PPRC1: variants seen among roughly 807,000 people sequenced by gnomAD.
PPRC1 encodes the protein peroxisome proliferator-activated receptor gamma coactivator-related protein 1.
A neutral mutation model predicts 132.5 loss-of-function variants in PPRC1; 23 were observed. The observed-to-expected ratio is 0.17, with a 90% CI of 0.12 to 0.25. The LOEUF (loss-of-function observed/expected upper bound fraction) is 0.25. Among genes scored for constraint, PPRC1 ranks in the 10% least tolerant of loss-of-function variants. The pLI, the probability that PPRC1 is intolerant of heterozygous loss-of-function variation, is 1.00. For synonymous variants in PPRC1, 872 were observed against 833.5 expected (o/e 1.05, Z -0.80); for missense variants, 2,006 against 2,089.1 (o/e 0.96, Z 0.78).
At chr10:102,145,861 T>C (rs2069217203) in intron 8 of PPRC1, among the ~76,000 whole-genome samples, 1 of 151,916 alleles carries the variant, frequency 6.6e-6, no homozygotes, top group Admixed American at 6.6e-5. Context: ...CAAGACTCTG[T>C]CTTTAAAAAA....
the PPRC1 span, among the ~76,000 whole-genome samples, chr10:102,127,673 TGGG>T: frequency 6.6e-6 from 1 of 152,134 alleles, no homozygotes; most frequent in African/African-American, 2.4e-5. Flanking sequence ...CCCAAAGTGC[TGGG>T]ATTACAGGCG....
At chr10:102,149,533 C>T (rs2069422221) in intron 13 of PPRC1, among the ~76,000 whole-genome samples, 1 of 152,080 alleles carries the variant, frequency 6.6e-6, no homozygotes, top group Non-Finnish European at 1.5e-5. Flanking sequence ...GAGTTCGAGA[C>T]CAGCCTGGCC....
rs945111278 is a variant in PPRC1, at chr10:102,140,040, A to C, written c.1532A>C (p.Glu511Ala). Residue 511 changes from glutamate to alanine, a missense_variant, in exon 5 of 14, where the codon GAG (glutamate) becomes GCG (alanine). Glu to Ala is a moderately radical substitution (Grantham distance 107). This residue lies in a region of PPRC1 where 1,914 missense variants were observed against 1,917.2 expected (regional missense o/e 1.00). Transcript: ENST00000278070. ...CAGCCTCAGGAAGAACTTCAAAAAG[A>C]GTCTGGGCCTCTCCAGGGTAAGGGG... is the stretch of plus-strand genomic sequence containing the variant. Reference protein sequence around the residue: ...QKQPQEELQKESGPLQGKGKP... With the variant: ...QKQPQEELQKASGPLQGKGKP... 6.2e-7 allele frequency: 1 copy of C among 1,614,056 alleles called. No individual in the cohort carries two copies. The highest frequency in any genetic ancestry group is 1.3e-5 in the African/African-American group (1 of 74,924).
upstream of PPRC1, among the ~76,000 whole-genome samples, chr10:102,130,462 G>T (rs1172264660): frequency 6.8e-6 from 1 of 146,514 alleles, no homozygotes; most frequent in Non-Finnish European, 1.5e-5. Flanking sequence ...AGGGCTGGGC[G>T]CAGTGGCTCA....
At chr10:102,128,762 C>T (rs2068499123), upstream of PPRC1, among the ~76,000 whole-genome samples, 1 of 150,766 alleles carries the variant, frequency 6.6e-6, no homozygotes. Context: ...CTACAGGCAC[C>T]CACCACCATG....
rs1212213569 is a variant in PPRC1 at position 102,148,974 on chromosome 10, A to G, written c.4739+36A>G. The G allele has an allele frequency of 1.2e-6, 2 of 1,609,414 alleles. No homozygotes were observed. The highest frequency in any genetic ancestry group is 1.7e-5 in the Admixed American group (1 of 59,058). On this transcript the variant is annotated intron_variant, in intron 12 of 13. Transcript: ENST00000278070. The surrounding 1 kb of genome is among the most constrained non-coding windows in gnomAD (Gnocchi z 4.2). ...GCCCCAGGCTCAGGATGTTCTTTCT[A>G]TCCCATTCATCTACCTTGGTGTTTC...
intron 13 of PPRC1, among the ~76,000 whole-genome samples, 153 bp downstream of exon 13, chr10:102,149,482 C>T (rs963216966): frequency 3.9e-5 from 6 of 152,178 alleles, no homozygotes; most frequent in Admixed American, 1.3e-4. Context: ...CCTGTAATCC[C>T]AGCACTTTGG....
chr10:102,129,838 C>T (rs1019275787), upstream of PPRC1, among the ~76,000 whole-genome samples: 2 of 151,896 alleles, frequency 1.3e-5, no homozygotes, highest in Non-Finnish European at 2.9e-5. Flanking sequence ...TTCCTGACCT[C>T]GGTGATCCGC....
chr10:102,121,419 G>T, the PPRC1 span, among the ~76,000 whole-genome samples: 4 of 152,204 alleles, frequency 2.6e-5, no homozygotes, highest in African/African-American at 9.6e-5. Flanking sequence ...TGTGGGCCGT[G>T]GGGGGTTGGA....
At position 102,145,182 on chromosome 10, in the gene PPRC1, G is replaced by A; in HGVS notation, c.3679+92G>A. 3.3e-6 allele frequency: 4 copies of A among 1,226,670 alleles called. No individual in the cohort carries two copies. In the South Asian group the frequency reaches 4.1e-5, roughly 12 times the overall value. 76.0% of individuals were successfully genotyped at this position (1,226,670 alleles called of 1,614,324 possible). On this transcript the variant is annotated intron_variant, in intron 8 of 13. Coordinates refer to ENST00000278070, the MANE Select transcript of PPRC1 (RefSeq NM_015062.5). ...AAATCCATTGTGTGTAGGCGTTAAG[G>A]ACATAGAGATCTGATCTCCAGCCTT...
chr10:102,146,315 C>T (rs567778650), intron 8 of PPRC1, among the ~76,000 whole-genome samples: 2 of 151,914 alleles, frequency 1.3e-5, no homozygotes, highest in South Asian at 2.1e-4. Flanking sequence ...AGTGGGGAGA[C>T]GATAGATGAT....
chr10:102,150,073 C>G lies in PPRC1; in HGVS notation c.*44C>G, dbSNP rs2069444336. 2 of 1,400,822 alleles carry G rather than the reference C, an allele frequency of 1.4e-6. No individual in the cohort carries two copies. Among genetic ancestry groups the G allele is most frequent in the Admixed American group, 1.7e-5 (1 of 59,682 alleles). The allele number at this position is 1,400,822 out of a possible 1,614,324, so 86.8% of individuals were successfully genotyped here. On this transcript the variant is annotated 3_prime_UTR_variant, in exon 14 of 14. Coordinates refer to ENST00000278070, the MANE Select transcript of PPRC1 (RefSeq NM_015062.5). ...TATCCTTTTTCTCCTTTGGAGGTGC[C>G]CAACCTCCTCCACCCCCTTCCCCTA...
intron 1 of PPRC1, among the ~76,000 whole-genome samples, chr10:102,133,692 G>C (rs2068610512): frequency 6.6e-6 from 1 of 151,822 alleles, no homozygotes; most frequent in South Asian, 2.1e-4. Flanking sequence ...GCGGGTCCAC[G>C]TGGGGGCGGG....
chr10:102,120,105 T>C, the PPRC1 span: 34 of 1,383,494 alleles, frequency 2.5e-5, no homozygotes, highest in Non-Finnish European at 3.2e-5. Flanking sequence ...CACAGCCCAC[T>C]GACATCTTCA....
rs755255910 is a variant in PPRC1, at chr10:102,140,034, A to C, written c.1526A>C (p.Gln509Pro). 23 of 1,614,108 alleles carry C rather than the reference A, an allele frequency of 1.4e-5. No homozygotes were observed. The highest frequency in any genetic ancestry group is 6.7e-5 in the African/African-American group (5 of 74,944). ...NLQKQPQEEL[Q>P]KESGPLQGKG... ...CAGAAACAGCCTCAGGAAGAACTTC[A>C]AAAAGAGTCTGGGCCTCTCCAGGGT... is the stretch of plus-strand genomic sequence containing the variant. The change falls in exon 5 of 14, where the codon CAA (glutamine) becomes CCA (proline). Residue 509 changes from glutamine to proline, a missense_variant. Physicochemically the swap from Gln to Pro is moderately conservative, Grantham distance 76. Around this residue, in one of 2 missense-constraint regions of PPRC1, gnomAD observed 1,914 missense variants for 1,917.2 expected, o/e 1.00. Coordinates refer to ENST00000278070, the MANE Select transcript of PPRC1 (RefSeq NM_015062.5).
chr10:102,141,105 C>G lies in PPRC1; in HGVS notation c.2597C>G (p.Ser866Cys). 6.2e-7 allele frequency: 1 copy of G among 1,614,112 alleles called. No homozygotes were observed. The highest frequency in any genetic ancestry group is 8.5e-7 in the Non-Finnish European group (1 of 1,180,004). The part of the protein sequence containing the change: ...ARPSPPVQSV[S>C]PAVPTPPSMS... ...CCTTCCCCTCCTGTGCAGTCTGTGT[C>G]CCCTGCTGTGCCCACACCTCCCTCG... is the stretch of plus-strand genomic sequence containing the variant. The change falls in exon 5 of 14, where the codon TCC becomes TGC. Residue 866 changes from serine to cysteine, a missense_variant. Transcript: ENST00000278070.
intron 1 of PPRC1, among the ~76,000 whole-genome samples, chr10:102,133,505 A>G (rs1005529661): frequency 6.6e-6 from 1 of 151,404 alleles, no homozygotes; most frequent in African/African-American, 2.4e-5. Flanking sequence ...GAAGGCTGAG[A>G]CCTCCATGTA....
chr10:102,144,689 TC>T, intron 7 of PPRC1: 1 of 466,614 alleles, frequency 2.1e-6, no homozygotes. Context: ...TTTTTCATGT[TC>T]ATGATCCTCC....
In PPRC1 at chr10:102,143,979, A is replaced by G. The variant is rs564420122; in HGVS notation, c.3551-271A>G. ...TGAGGCCAGGAAGCTAGTTAGGCAG[A>G]TCATAGATCACCTTGAACGCTAGGC... On this transcript the variant is annotated intron_variant, in intron 6 of 13. Transcript: ENST00000278070. 3.4e-4 allele frequency among the ~76,000 whole-genome samples: 52 copies of G among 152,348 alleles called. No individual in the cohort carries two copies. The South Asian group carries it at 7.5e-3, about 22-fold the overall frequency.
Sources: gnomAD v4.1 joint callset for allele counts (sites outside exome capture counted in the v4.1 genomes callset) on GRCh38, gnomAD v4.1.1 for gene constraint, gnomAD v4.1.1 regional missense constraint, Gnocchi (gnomAD v3.1) non-coding constraint, MANE v1.5 for transcripts, NCBI Gene and HGNC (gene_info 2026-07-23, HGNC 2026-07-21) for gene names.